The following ZNF385A variants were observed in gnomAD, a reference collection of about 807,000 sequenced individuals.
ZNF385A encodes the protein zinc finger protein 385A.
A neutral mutation model predicts 32.1 loss-of-function variants in ZNF385A; 14 were observed. The ratio of observed to expected loss-of-function variants is 0.44; its 90% CI spans 0.29 to 0.68. The LOEUF is 0.68. Among genes scored for constraint, ZNF385A ranks in the 30% least tolerant of loss-of-function variants. ZNF385A has a pLI of 0.14. For missense variants in ZNF385A, 406 were observed against 478.4 expected, an observed-to-expected ratio of 0.85 and a Z score of 1.41; for synonymous variants, 197 against 202.7, an observed-to-expected ratio of 0.97 and a Z score of 0.24.
At position 54,384,593 on chromosome 12, in the gene ZNF385A, GT is replaced by G; in HGVS notation, c.-80del. On this transcript the variant is annotated 5_prime_UTR_variant, in exon 1 of 7. Transcript: ENST00000394313. ...AAGGGCAGAGAAAACATTCTGTGGGGTAGGAAGATTAAAGCTTGGGAACCCC... is the reference window on the plus strand; with the variant it reads ...AAGGGCAGAGAAAACATTCTGTGGGGAGGAAGATTAAAGCTTGGGAACCCC... 1 of 1,432,770 alleles carries G rather than the reference GT, an allele frequency of 7.0e-7. No individual in the cohort carries two copies. Among genetic ancestry groups the G allele is most frequent in the Non-Finnish European group, 9.1e-7 (1 of 1,093,476 alleles). The allele number at this position is 1,432,770 out of a possible 1,614,324, so 88.8% of individuals were successfully genotyped here. A position where few individuals can be genotyped will look rare whatever the true frequency, so the allele number is the denominator to read the frequency against.
upstream of ZNF385A, among the ~76,000 whole-genome samples, chr12:54,387,396 T>C (rs921690349): frequency 6.6e-6 from 1 of 152,160 alleles, no homozygotes; most frequent in African/African-American, 2.4e-5. Context: ...GTCCACTCCA[T>C]TCTGAGGTGG....
chr12:54,370,855 A>G lies in ZNF385A; in HGVS notation c.774+72T>C, dbSNP rs1268296093. 2 of 1,610,588 alleles carry G rather than the reference A, an allele frequency of 1.2e-6. No homozygotes were observed. Among genetic ancestry groups the G allele is most frequent in the African/African-American group, 2.7e-5 (2 of 74,954 alleles). On this transcript the variant is annotated intron_variant, in intron 5 of 6. Coordinates refer to ENST00000394313, the MANE Select transcript of ZNF385A (RefSeq NM_015481.3). The surrounding 1 kb of genome is among the most constrained non-coding windows in gnomAD (Gnocchi z 5.5). ...AAACTCTGAAGAAGGGCCTTTACTC[A>G]AGCTCCTTGCTCCCCTTCCCCACTT... is the stretch of plus-strand genomic sequence containing the variant.
At chr12:54,385,826 T>A, upstream of ZNF385A, 1 of 198,316 alleles carries the variant, frequency 5.0e-6, no homozygotes. Flanking sequence ...AATCAGCCAA[T>A]CAGAATCCTG....
intron 1 of ZNF385A, among the ~76,000 whole-genome samples, chr12:54,390,650 C>T (rs977780787): frequency 1.4e-4 from 21 of 150,896 alleles, no homozygotes; most frequent in African/African-American, 5.1e-4. Context: ...TTCCCCACCC[C>T]CTCTTCTCCC....
intron 1 of ZNF385A, chr12:54,379,261 G>C (rs1955012846): frequency 1.1e-6 from 1 of 922,394 alleles, no homozygotes; most frequent in African/African-American, 1.8e-5. Flanking sequence ...AGGCGGGGCC[G>C]AGGACGGGGG....
At chr12:54,386,754 C>T (rs1955498509), upstream of ZNF385A, among the ~76,000 whole-genome samples, 1 of 152,166 alleles carries the variant, frequency 6.6e-6, no homozygotes, top group African/African-American at 2.4e-5. Flanking sequence ...TCTCTAGGCT[C>T]CCACTCCTCA....
intron 1 of ZNF385A, among the ~76,000 whole-genome samples, chr12:54,378,452 C>A (rs764404387): frequency 2.0e-5 from 3 of 152,102 alleles, no homozygotes; most frequent in Non-Finnish European, 4.4e-5. Context: ...CGCTCCCTGA[C>A]GCTGGGGCAA....
chr12:54,389,852 G>A (rs1440208862), intron 1 of ZNF385A, among the ~76,000 whole-genome samples: 1 of 152,086 alleles, frequency 6.6e-6, no homozygotes, highest in Admixed American at 6.5e-5. Flanking sequence ...TTGAGAAGGA[G>A]GCAGGCAACC....
rs1342421699 is a variant in ZNF385A at position 54,384,676 on chromosome 12, C to T, written c.-162G>A. On this transcript the variant is annotated 5_prime_UTR_variant, in exon 1 of 7. Coordinates refer to ENST00000394313, the MANE Select transcript of ZNF385A (RefSeq NM_015481.3). Reference sequence around the variant, plus strand: ...GGGCCCCCACACTCAGAAGTGTCACCCTCAGTGCACATAGTGTACACACTT... The same window carrying T: ...GGGCCCCCACACTCAGAAGTGTCACTCTCAGTGCACATAGTGTACACACTT... 2 of 1,411,268 alleles carry T rather than the reference C, an allele frequency of 1.4e-6. No homozygotes were observed. Among genetic ancestry groups the T allele is most frequent in the Non-Finnish European group, 1.8e-6 (2 of 1,088,220 alleles). 87.4% of individuals were successfully genotyped at this position (1,411,268 alleles called of 1,614,324 possible). A position where few individuals can be genotyped will look rare whatever the true frequency, so the allele number is the denominator to read the frequency against.
At chr12:54,391,126 A>G in intron 1 of ZNF385A, 1 of 1,201,816 alleles carries the variant, frequency 8.3e-7, no homozygotes, top group Non-Finnish European at 1.1e-6. Context: ...CCGGTCGCTG[A>G]CGGGCGGCCG....
rs577086109 is a variant in ZNF385A, at chr12:54,384,056, T to G, written c.87+372A>C. Among the ~76,000 whole-genome samples, 10 of 152,324 alleles carry G rather than the reference T, an allele frequency of 6.6e-5. No individual in the cohort carries two copies. In the South Asian group the frequency reaches 2.1e-3, roughly 32 times the overall value. On this transcript the variant is annotated intron_variant, in intron 1 of 6. Transcript: ENST00000394313. ...AACTTACAAACAGGCATGCTTATTT[T>G]CCTGCTCATTCCCTCTTTCTGGATT...
chr12:54,384,646 A>C lies in ZNF385A; in HGVS notation c.-132T>G. On this transcript the variant is annotated 5_prime_UTR_variant, in exon 1 of 7. An upstream open reading frame in the 5' UTR loses its in-frame stop. Coordinates refer to ENST00000394313, the MANE Select transcript of ZNF385A (RefSeq NM_015481.3). ...CCCAAGCCTGCCAGTCCCACTCCCT[A>C]GCCAGGGCCCCCACACTCAGAAGTG... 2 of 1,418,432 alleles carry C rather than the reference A, an allele frequency of 1.4e-6. No homozygotes were observed. Among genetic ancestry groups the C allele is most frequent in the South Asian group, 3.0e-5 (2 of 66,012 alleles). 87.9% of individuals were successfully genotyped at this position (1,418,432 alleles called of 1,614,324 possible).
rs1316069587 is a variant in ZNF385A at position 54,369,811 on chromosome 12, G to A, written c.*445C>T. On this transcript the variant is annotated 3_prime_UTR_variant, in exon 7 of 7. Coordinates refer to ENST00000394313, the MANE Select transcript of ZNF385A (RefSeq NM_015481.3). ...CCCTCCCCCTACGGAGGACGGGGGT[G>A]TTCACGGAAGCGCTTCAGTTTGGGG... is the stretch of plus-strand genomic sequence containing the variant. 3 of 155,118 alleles carry A rather than the reference G, an allele frequency of 1.9e-5. No homozygotes were observed. Among genetic ancestry groups the A allele is most frequent in the African/African-American group, 4.8e-5 (2 of 41,540 alleles). 9.6% of individuals were successfully genotyped at this position (155,118 alleles called of 1,614,324 possible).
chr12:54,372,392 G>T (rs1442963438), intron 3 of ZNF385A, among the ~76,000 whole-genome samples: 1 of 152,164 alleles, frequency 6.6e-6, no homozygotes, highest in African/African-American at 2.4e-5. Flanking sequence ...TGGGGAGCTT[G>T]TGGGAGGGGA....
chr12:54,380,216 C>T (rs1955074695), intron 1 of ZNF385A, among the ~76,000 whole-genome samples: 1 of 152,208 alleles, frequency 6.6e-6, no homozygotes, highest in African/African-American at 2.4e-5. Flanking sequence ...ATAATAATAT[C>T]ACCACCACCA....
upstream of ZNF385A, chr12:54,385,714 C>T: frequency 2.0e-6 from 2 of 981,320 alleles, no homozygotes; most frequent in Non-Finnish European, 2.4e-6. Flanking sequence ...AGTGGCCTGG[C>T]CCTGGCCCCC....
rs374026213 is a variant in ZNF385A, at chr12:54,370,246, A to G, written c.*10T>C. 1.4e-6 allele frequency: 2 copies of G among 1,438,906 alleles called. No individual in the cohort carries two copies. The highest frequency in any genetic ancestry group is 1.5e-5 in the African/African-American group (1 of 68,868). 89.1% of individuals were successfully genotyped at this position (1,438,906 alleles called of 1,614,324 possible). ...GTGGGGAGTTGAATGGGAGGGGTTCAGGGTTGAGGTCAGTACGGGGAGAAG... is the reference window on the plus strand; with the variant it reads ...GTGGGGAGTTGAATGGGAGGGGTTCGGGGTTGAGGTCAGTACGGGGAGAAG... On this transcript the variant is annotated 3_prime_UTR_variant, in exon 7 of 7. Transcript: ENST00000394313. The surrounding 1 kb of genome is among the most constrained non-coding windows in gnomAD (Gnocchi z 5.5).
chr12:54,370,514 G>T lies in ZNF385A; in HGVS notation c.871-28C>A. ...GAAGCGGGCGAAAGGCGGAGGAAGAGAAGTCACCCGGCGGTCCTGCAAACC... is the reference window on the plus strand; with the variant it reads ...GAAGCGGGCGAAAGGCGGAGGAAGATAAGTCACCCGGCGGTCCTGCAAACC... On this transcript the variant is annotated intron_variant, in intron 6 of 6. Coordinates refer to ENST00000394313, the MANE Select transcript of ZNF385A (RefSeq NM_015481.3). This position sits in a 1 kb window ranked among gnomAD's most constrained non-coding sequence, Gnocchi z 5.5. The T allele has an allele frequency of 1.9e-6, 3 of 1,550,812 alleles. No homozygotes were observed. The highest frequency in any genetic ancestry group is 1.4e-5 in the African/African-American group (1 of 73,156).
intron 1 of ZNF385A, among the ~76,000 whole-genome samples, chr12:54,382,999 T>C (rs1955278775): frequency 6.6e-6 from 1 of 151,852 alleles, no homozygotes; most frequent in Admixed American, 6.6e-5. Context: ...CCATCTCTAC[T>C]AAAAATACAA....
Sources: allele counts gnomAD v4.1 joint callset (sites outside exome capture counted in the v4.1 genomes callset), GRCh38; gene constraint gnomAD v4.1.1; non-coding constraint Gnocchi (gnomAD v3.1); transcripts MANE v1.5; gene names NCBI Gene and HGNC (gene_info 2026-07-23, HGNC 2026-07-21).